Variants in GRIP2 observed in about 807,000 individuals in gnomAD.
GRIP2 encodes glutamate receptor-interacting protein 2.
GRIP2 carries 58 observed loss-of-function variants against 108.3 expected under a neutral mutation model. That is an observed-to-expected ratio of 0.54 (90% CI 0.43 to 0.67). GRIP2 has a LOEUF of 0.67. Ranked by LOEUF, GRIP2 falls within the 30% of genes least tolerant of loss-of-function variation. The probability of loss-of-function intolerance (pLI) is 0.00; values close to 1 mark genes in which losing one functional copy is unlikely to be tolerated. For missense variants in GRIP2, 1,278 were observed against 1,430.6 expected, an observed-to-expected ratio of 0.89 and a Z score of 1.72; for synonymous variants, 586 against 598.2, an observed-to-expected ratio of 0.98 and a Z score of 0.30.
rs1694930852 is a variant in GRIP2 at position 14,540,148 on chromosome 3, G to A, written c.40+121C>T. On this transcript the variant is annotated intron_variant, in intron 1 of 23. Coordinates refer to ENST00000621039, the MANE Select transcript of GRIP2 (RefSeq NM_001080423.4). The surrounding 1 kb of genome is among the most constrained non-coding windows in gnomAD (Gnocchi z 4.1). ...CCTGCCCCACCCTCCCCAAGCCCTG[G>A]GTCTCCAGGGAGTGGCAGTCCCAGG... The A allele has an allele frequency of 2.2e-5, 28 of 1,281,520 alleles. No individual in the cohort carries two copies. The South Asian group carries it at 4.0e-4, about 18-fold the overall frequency. 79.4% of individuals were successfully genotyped at this position (1,281,520 alleles called of 1,614,324 possible). A position where few individuals can be genotyped will look rare whatever the true frequency, so the allele number is the denominator to read the frequency against.
Position 14,521,520 on chromosome 3 carries a change from G to T in GRIP2, c.712+122C>A. ...ACTATTTACTGCCCAGAGAAGCTGT[G>T]ACTGGCCCAAGGTCATAAGGTCATG... On this transcript the variant is annotated intron_variant, in intron 7 of 23. Transcript: ENST00000621039. This position sits in a 1 kb window ranked among gnomAD's most constrained non-coding sequence, Gnocchi z 5.1. 9.4e-7 allele frequency: 1 copy of T among 1,064,534 alleles called. No homozygotes were observed. The highest frequency in any genetic ancestry group is 1.3e-6 in the Non-Finnish European group (1 of 753,214). The allele number at this position is 1,064,534 out of a possible 1,614,324, so 65.9% of individuals were successfully genotyped here.
intron 3 of GRIP2, among the ~76,000 whole-genome samples, chr3:14,524,999 G>T (rs570499309): frequency 6.6e-5 from 10 of 152,232 alleles, no homozygotes; most frequent in Non-Finnish European, 1.5e-4. Context: ...CAGACAATGT[G>T]TGCAGAAATG....
At position 14,489,685 on chromosome 3, in the gene GRIP2, T is replaced by C. The variant is rs1574979005; in HGVS notation, c.*3980A>G. ...CAGTTTCCCCATCTGGAATAAACCA[T>C]TGTCCCCATCAAGGCCACCAGGATG... On this transcript the variant is annotated 3_prime_UTR_variant, in exon 24 of 24. Coordinates refer to ENST00000621039, the MANE Select transcript of GRIP2 (RefSeq NM_001080423.4). 2 of 152,512 alleles carry C rather than the reference T, an allele frequency of 1.3e-5. No homozygotes were observed. The highest frequency in any genetic ancestry group is 4.8e-5 in the African/African-American group (2 of 41,558). The allele number at this position is 152,512 out of a possible 1,614,324, so 9.4% of individuals were successfully genotyped here. A position where few individuals can be genotyped will look rare whatever the true frequency, so the allele number is the denominator to read the frequency against.
chr3:14,514,602 A>G, intron 11 of GRIP2, 124 bp from the exon 12 acceptor site: 1 of 939,054 alleles, frequency 1.1e-6, no homozygotes, highest in South Asian at 1.8e-5. Flanking sequence ...GCCCTGACTC[A>G]GTCTGGGACC....
intron 3 of GRIP2, 33 bp downstream of exon 3, chr3:14,525,404 C>G (rs376575865): frequency 4.5e-5 from 72 of 1,606,562 alleles, no homozygotes; most frequent in South Asian, 1.5e-4. Context: ...CTCTGCACCC[C>G]CCTCCTGCGG....
chr3:14,596,454 C>T, the GRIP2 span, among the ~76,000 whole-genome samples: 1 of 152,168 alleles, frequency 6.6e-6, no homozygotes, highest in East Asian at 1.9e-4. Context: ...GAACCAGAAA[C>T]CCATAAGGCC....
chr3:14,508,703 G>A (rs1048302047), intron 17 of GRIP2, among the ~76,000 whole-genome samples: 8 of 152,106 alleles, frequency 5.3e-5, no homozygotes, highest in African/African-American at 1.9e-4. Context: ...TGCCCAAATT[G>A]AGATGTGCTA....
At chr3:14,570,472 C>T in the GRIP2 span, among the ~76,000 whole-genome samples, 1 of 152,316 alleles carries the variant, frequency 6.6e-6, no homozygotes, top group African/African-American at 2.4e-5. Flanking sequence ...AAAAACAGAG[C>T]TATGCAAAGT....
the GRIP2 span, among the ~76,000 whole-genome samples, chr3:14,598,347 G>GACACAC: frequency 2.6e-4 from 38 of 147,612 alleles, no homozygotes; most frequent in African/African-American, 6.8e-4. Context: ...ACCACAGGGG[G>GACACAC]ACACACACAC....
At chr3:14,541,876 A>G (rs573711114), upstream of GRIP2, 142 of 1,330,764 alleles carry the variant, frequency 1.1e-4, 2 homozygotes, top group Admixed American at 3.0e-3. Flanking sequence ...CACGCACTCA[A>G]TTTGGCCACC....
chr3:14,542,633 G>A (rs1009719491), upstream of GRIP2, among the ~76,000 whole-genome samples: 9 of 152,198 alleles, frequency 5.9e-5, no homozygotes, highest in Admixed American at 2.6e-4. Flanking sequence ...AGGTCATGCC[G>A]TGGATTATGG....
chr3:14,573,669 T>A, the GRIP2 span: 2 of 1,488,726 alleles, frequency 1.3e-6, no homozygotes, highest in Non-Finnish European at 1.9e-6. Flanking sequence ...GTTGGTGTGG[T>A]TCCCGGGGTT....
chr3:14,503,579 A>T lies in GRIP2; in HGVS notation c.2666T>A (p.Leu889Gln). Reference protein sequence around the residue: ...DLESCGQSELLRELEASIMTG... With the variant: ...DLESCGQSELQRELEASIMTG... ...AGGCAGCCATACCTCCAGTTCCCTC[A>T]GCAGCTCTGACTGACCACATGACTC... The change falls in exon 21 of 24, where the codon CTG becomes CAG. Residue 889 changes from leucine to glutamine, a missense_variant. Coordinates refer to ENST00000621039, the MANE Select transcript of GRIP2 (RefSeq NM_001080423.4). 6.2e-7 allele frequency: 1 copy of T among 1,610,252 alleles called. No homozygotes were observed. The highest frequency in any genetic ancestry group is 8.5e-7 in the Non-Finnish European group (1 of 1,178,376).
Position 14,521,743 on chromosome 3 carries a change from C to G in GRIP2, c.611G>C (p.Gly204Ala). The G allele has an allele frequency of 6.2e-7, 1 of 1,609,622 alleles. No homozygotes were observed. The highest frequency in any genetic ancestry group is 1.1e-5 in the South Asian group (1 of 90,140). The stretch of plus-strand genomic sequence containing the variant: ...ATGGCTGGCCCCGTGCAGCGGGATT[C>G]CATCGACACTGAGCAGCCTGTCGCC... ...KVGDRLLSVD[G>A]IPLHGASHAT... Residue 204 changes from glycine (G) to alanine (A), a missense_variant, in exon 7 of 24, where the codon GGA becomes GCA. By Grantham distance (60) the Gly-to-Ala change is moderately conservative (BLOSUM62 0). Coordinates refer to ENST00000621039, the MANE Select transcript of GRIP2 (RefSeq NM_001080423.4). The surrounding 1 kb of genome is among the most constrained non-coding windows in gnomAD (Gnocchi z 5.1).
chr3:14,569,582 A>G, the GRIP2 span, among the ~76,000 whole-genome samples: 2 of 152,172 alleles, frequency 1.3e-5, 1 homozygote, highest in Non-Finnish European at 2.9e-5. Flanking sequence ...ACCTGGAGAC[A>G]TTGGGTGAGG....
chr3:14,517,980 A>G, intron 9 of GRIP2, 83 bp from the exon 10 acceptor site: 2 of 1,425,400 alleles, frequency 1.4e-6, no homozygotes, highest in South Asian at 1.5e-5. Flanking sequence ...CAAGAACCAG[A>G]AGATCCTCGT....
rs547706671 is a variant in GRIP2 at position 14,549,345 on chromosome 3, ACAGT to A, written c.55+6551_55+6554del. Among the ~76,000 whole-genome samples the A allele has an allele frequency of 1.8e-3, 277 of 152,260 alleles. 2 individuals carry two copies. Among genetic ancestry groups the A allele is most frequent in the African/African-American group, 6.5e-3 (270 of 41,548 alleles). ...TATTCCTGAACAGTTGTAAGGGGTG[ACAGT>A]CAGTCTGTTATCCCAGCTGCAGCCT... On this transcript the variant is annotated intron_variant, in intron 1 of 23. Coordinates refer to the GRIP2 transcript ENST00000637182.
At chr3:14,513,117 G>A (rs1415410707) in intron 13 of GRIP2, among the ~76,000 whole-genome samples, 6 of 152,140 alleles carry the variant, frequency 3.9e-5, no homozygotes, top group African/African-American at 7.2e-5. Flanking sequence ...TGTGGCGGGC[G>A]GGAAGGGAGC....
chr3:14,581,607 G>T, the GRIP2 span, among the ~76,000 whole-genome samples: 1 of 152,236 alleles, frequency 6.6e-6, no homozygotes, highest in Admixed American at 6.5e-5. Context: ...CATGTTCTTT[G>T]TCCACTGGAA....
Sources: gnomAD v4.1 joint callset for allele counts (sites outside exome capture counted in the v4.1 genomes callset) on GRCh38, gnomAD v4.1.1 for gene constraint, Gnocchi (gnomAD v3.1) non-coding constraint, MANE v1.5 for transcripts, NCBI Gene and HGNC (gene_info 2026-07-23, HGNC 2026-07-21) for gene names.